The following LDHA variants were observed in gnomAD, a reference collection of about 807,000 sequenced individuals.
The protein encoded by LDHA is lactate dehydrogenase A.
LDHA carries 10 observed loss-of-function variants against 36.3 expected under a neutral mutation model. That is an observed-to-expected ratio of 0.28 (90% CI 0.17 to 0.47). LDHA has a LOEUF of 0.47. LDHA is among the 20% of genes least tolerant of loss of function. LDHA has a pLI of 0.99. For missense variants in LDHA, 267 were observed against 405.8 expected (o/e 0.66, Z 2.94); for synonymous variants, 110 against 136.7 (o/e 0.80, Z 1.36).
At chr11:18,403,460 A>G (rs1866570803) in intron 5 of LDHA, among the ~76,000 whole-genome samples, 1 of 152,238 alleles carries the variant, frequency 6.6e-6, no homozygotes, top group Non-Finnish European at 1.5e-5. Flanking sequence ...TACATGGGTT[A>G]AACATTTCAA....
rs61041914 is a variant in LDHA, at chr11:18,401,467, A to C, written c.418+457A>C. 2.4e-4 allele frequency among the ~76,000 whole-genome samples: 16 copies of C among 67,780 alleles called. No homozygotes were observed. The South Asian group carries it at 4.7e-3, about 20-fold the overall frequency. 44.5% of individuals were successfully genotyped at this position (67,780 alleles called of 152,430 possible). A position where few individuals can be genotyped will look rare whatever the true frequency, so the allele number is the denominator to read the frequency against. ...GCCACGCATATTTATTGATTCATTT[A>C]TTTTTCTTTTTTTTTTTTTTTTTTT... On this transcript the variant is annotated intron_variant, in intron 4 of 7. Transcript: ENST00000422447.
At chr11:18,406,148 TAG>T (rs1296601893) in intron 7 of LDHA, among the ~76,000 whole-genome samples, 1 of 152,116 alleles carries the variant, frequency 6.6e-6, no homozygotes, top group Non-Finnish European at 1.5e-5. Flanking sequence ...GTATTTTTAG[TAG>T]AGATGGAGTT....
rs10562494 is a variant in LDHA at position 18,405,839 on chromosome 11, TAAAC to T, written c.834+268_834+271del. 0.68 allele frequency: 255,290 copies of T among 374,548 alleles called. 89,054 individuals are homozygous for T. The highest frequency in any genetic ancestry group is 0.74 in the South Asian group (26,265 of 35,424). The allele number at this position is 374,548 out of a possible 1,614,324, so 23.2% of individuals were successfully genotyped here. ...GGTAGGTGGAAGACTATAAAAGAAATAAACTATTTCTCCATTGGGGAAAATAGAA... is the reference window on the plus strand; with the variant it reads ...GGTAGGTGGAAGACTATAAAAGAAATTATTTCTCCATTGGGGAAAATAGAA... On this transcript the variant is annotated intron_variant, in intron 7 of 7. Coordinates refer to ENST00000422447, the MANE Select transcript of LDHA (RefSeq NM_005566.4).
chr11:18,405,354 A>G (rs2079413429), intron 6 of LDHA, 95 bp from the exon 7 acceptor site: 1 of 1,243,748 alleles, frequency 8.0e-7, no homozygotes, highest in South Asian at 1.2e-5. Context: ...TTGTGGCATT[A>G]TTTACTGTAA....
At chr11:18,397,811 A>T (rs1371573353) in intron 2 of LDHA, among the ~76,000 whole-genome samples, 1 of 152,146 alleles carries the variant, frequency 6.6e-6, no homozygotes, top group East Asian at 1.9e-4. Context: ...TCCATCTCAA[A>T]AAAAAAAATC....
intron 2 of LDHA, 146 bp from the exon 3 acceptor site, chr11:18,399,285 G>T: frequency 3.0e-6 from 2 of 663,162 alleles, no homozygotes; most frequent in Non-Finnish European, 5.5e-6. Flanking sequence ...CTTTTGAAAT[G>T]GGGTGCCCTC....
intron 2 of LDHA, among the ~76,000 whole-genome samples, chr11:18,397,694 C>T (rs1287508599): frequency 1.3e-5 from 2 of 151,968 alleles, no homozygotes; most frequent in Non-Finnish European, 2.9e-5. Context: ...GCCTATAGTC[C>T]CAGCTACTTG....
chr11:18,396,677 GT>G (rs539111769), intron 1 of LDHA, 141 bp from the exon 2 acceptor site: 5 of 1,371,594 alleles, frequency 3.6e-6, no homozygotes, highest in East Asian at 2.5e-5. Flanking sequence ...CAACCATTAG[GT>G]TTTTTCCCCT....
At position 18,397,002 on chromosome 11, in the gene LDHA, C is replaced by G. The variant is rs374547891; in HGVS notation, c.126+34C>G. On this transcript the variant is annotated intron_variant, in intron 2 of 7. Transcript: ENST00000422447. Reference sequence around the variant, plus strand: ...GAGTCTACCACACTGGAAGCCCATACCTTGACCCCATCCTCTACCCCCACT... The same window carrying G: ...GAGTCTACCACACTGGAAGCCCATAGCTTGACCCCATCCTCTACCCCCACT... 1.9e-6 allele frequency: 3 copies of G among 1,605,656 alleles called. No individual in the cohort carries two copies. In the African/African-American group the frequency reaches 4.0e-5, roughly 21 times the overall value.
chr11:18,402,230 C>T (rs548410878), intron 4 of LDHA, among the ~76,000 whole-genome samples: 14 of 151,814 alleles, frequency 9.2e-5, no homozygotes, highest in Non-Finnish European at 1.0e-4. Flanking sequence ...ATTAGGATTA[C>T]AGGCGTGAGC....
chr11:18,396,363 TGC>T (rs1004761950), intron 1 of LDHA: 3 of 397,610 alleles, frequency 7.5e-6, no homozygotes, highest in African/African-American at 6.2e-5. Context: ...AAAGCGCGCA[TGC>T]GCGCGGATCA....
chr11:18,406,915 A>G (rs951212536), intron 7 of LDHA, among the ~76,000 whole-genome samples: 1 of 151,790 alleles, frequency 6.6e-6, no homozygotes, highest in Non-Finnish European at 1.5e-5. Flanking sequence ...CTGAAGCAGG[A>G]GAATTACTTG....
At chr11:18,400,432 CACACACACACA>C (rs1866441129) in intron 3 of LDHA, 7 of 2,162 alleles carry the variant, frequency 3.2e-3, no homozygotes, top group Admixed American at 0.01. Context: ...ACCACCACCA[CACACACACACA>C]CACACACACA....
Position 18,407,654 on chromosome 11 carries a change from T to G in LDHA, c.*373T>G. The G allele has an allele frequency of 1.7e-6, 1 of 580,200 alleles. No individual in the cohort carries two copies. Among genetic ancestry groups the G allele is most frequent in the Non-Finnish European group, 3.2e-6 (1 of 308,970 alleles). 35.9% of individuals were successfully genotyped at this position (580,200 alleles called of 1,614,324 possible). On this transcript the variant is annotated 3_prime_UTR_variant, in exon 8 of 8. Transcript: ENST00000422447. ...TGCCTAGTCCAACATTTTTTCCCAGTGAGTCACATCCTGGGATCCAGTGTA... is the reference window on the plus strand; with the variant it reads ...TGCCTAGTCCAACATTTTTTCCCAGGGAGTCACATCCTGGGATCCAGTGTA...
chr11:18,398,753 A>G (rs7117399), intron 2 of LDHA: 97,757 of 152,448 alleles, frequency 0.64, 31,998 homozygotes, highest in South Asian at 0.75. Context: ...AGCTGGGACT[A>G]CAGGCACCCA....
intron 4 of LDHA, among the ~76,000 whole-genome samples, chr11:18,402,339 C>T (rs1482547326): frequency 6.6e-6 from 1 of 152,000 alleles, no homozygotes; most frequent in African/African-American, 2.4e-5. Context: ...CTCACTCTGT[C>T]GCCCAAGCTG....
rs1286977062 is a variant in LDHA, at chr11:18,408,104, AATTT to A, written c.*828_*831del. 14 of 453,946 alleles carry A rather than the reference AATTT, an allele frequency of 3.1e-5. No individual in the cohort carries two copies. The Admixed American group carries it at 3.3e-4, about 11-fold the overall frequency. 28.1% of individuals were successfully genotyped at this position (453,946 alleles called of 1,614,324 possible). A position where few individuals can be genotyped will look rare whatever the true frequency, so the allele number is the denominator to read the frequency against. Reference sequence around the variant, plus strand: ...AGTAACATTCTATATGTAAATGTAAAATTTATTTGCCAACTGAATATAGGCAATG... The same window carrying A: ...AGTAACATTCTATATGTAAATGTAAAATTTGCCAACTGAATATAGGCAATG... On this transcript the variant is annotated 3_prime_UTR_variant, in exon 8 of 8. Coordinates refer to ENST00000422447, the MANE Select transcript of LDHA (RefSeq NM_005566.4).
chr11:18,396,360 G>T (rs571812319), intron 1 of LDHA: 157 of 397,508 alleles, frequency 3.9e-4, no homozygotes, highest in Non-Finnish European at 5.8e-4. Context: ...CACAAAGCGC[G>T]CATGCGCGCG....
chr11:18,397,760 G>A (rs924413783), intron 2 of LDHA, among the ~76,000 whole-genome samples: 2 of 151,928 alleles, frequency 1.3e-5, no homozygotes, highest in African/African-American at 4.8e-5. Context: ...GCAGTGACCC[G>A]AGATAGCACC....
Sources: allele counts gnomAD v4.1 joint callset (sites outside exome capture counted in the v4.1 genomes callset), GRCh38; gene constraint gnomAD v4.1.1; transcripts MANE v1.5; gene names NCBI Gene and HGNC (gene_info 2026-07-23, HGNC 2026-07-21).